Variants in RAB10 observed in about 807,000 individuals in gnomAD.
The protein encoded by RAB10 is ras-related protein Rab-10.
A neutral mutation model predicts 25.7 loss-of-function variants in RAB10; 5 were observed. The ratio of observed to expected loss-of-function variants is 0.19; its 90% CI spans 0.10 to 0.41. RAB10 has a LOEUF of 0.41. RAB10 is among the 10% of genes least tolerant of loss of function. The pLI is 1.00. For missense variants in RAB10, 103 were observed against 245.8 expected, an observed-to-expected ratio of 0.42 and a Z score of 3.89; for synonymous variants, 89 against 86.4, an observed-to-expected ratio of 1.03 and a Z score of -0.16.
intron 1 of RAB10, among the ~76,000 whole-genome samples, chr2:26,038,013 A>G (rs780286414): frequency 6.6e-6 from 1 of 151,738 alleles, no homozygotes; most frequent in African/African-American, 2.4e-5. Flanking sequence ...CAGCCTCCCA[A>G]GTAGCTGGGA....
chr2:26,115,605 C>A (rs1667666885), intron 3 of RAB10, among the ~76,000 whole-genome samples: 1 of 151,986 alleles, frequency 6.6e-6, no homozygotes, highest in South Asian at 2.1e-4. Flanking sequence ...AGAGTGGTTG[C>A]TATGAGTACA....
chr2:26,033,783 G>T (rs527345451), upstream of RAB10, among the ~76,000 whole-genome samples: 93 of 151,972 alleles, frequency 6.1e-4, no homozygotes, highest in African/African-American at 2.0e-3. Context: ...CGGGGAGCGG[G>T]AGGCGGGAGG....
intron 1 of RAB10, among the ~76,000 whole-genome samples, chr2:26,075,007 C>T (rs563586834): frequency 1.3e-5 from 2 of 152,168 alleles, no homozygotes; most frequent in South Asian, 2.1e-4. Context: ...TGGGAAAGGT[C>T]GAAGTTCTTC....
At chr2:26,034,850 C>T (rs1013038569) in intron 1 of RAB10, 115 bp downstream of exon 1, 15 of 1,414,428 alleles carry the variant, frequency 1.1e-5, no homozygotes, top group Admixed American at 9.3e-5. Context: ...CGATTCCAAA[C>T]GACACATCCA....
chr2:26,131,258 C>T (rs1274311840), intron 5 of RAB10, among the ~76,000 whole-genome samples: 1 of 152,064 alleles, frequency 6.6e-6, no homozygotes, highest in East Asian at 1.9e-4. Context: ...CTAATACTAA[C>T]CATAGCTTGT....
In RAB10 at chr2:26,083,011, G is replaced by T. The variant is rs560402904; in HGVS notation, c.128-15651G>T. ...AAATCATACCATCATAGTAGGCATA[G>T]ACAAAGCATTTGATGAAATACACCT... On this transcript the variant is annotated intron_variant, in intron 1 of 5. Coordinates refer to ENST00000264710, the MANE Select transcript of RAB10 (RefSeq NM_016131.5). 1.0e-3 allele frequency among the ~76,000 whole-genome samples: 154 copies of T among 152,272 alleles called. 1 individual carries two copies. The highest frequency in any genetic ancestry group is 2.1e-3 in the Admixed American group (32 of 15,296).
At position 26,034,712 on chromosome 2, in the gene RAB10, A is replaced by G. The variant is rs1263822739; in HGVS notation, c.104A>G (p.Asn35Ser). Reference protein sequence around the residue: ...VLFRFSDDAFNTTFISTIGID... With the variant: ...VLFRFSDDAFSTTFISTIGID... ...TTTCGTTTTTCGGATGATGCCTTCAATACTACCTTTATTTCCACCATAGGT... is the reference window on the plus strand; with the variant it reads ...TTTCGTTTTTCGGATGATGCCTTCAGTACTACCTTTATTTCCACCATAGGT... The change falls in exon 1 of 6, where the codon AAT (asparagine) becomes AGT (serine). Residue 35 changes from asparagine (N) to serine (S), a missense_variant. Physicochemically the swap from Asn to Ser is conservative, Grantham distance 46 (BLOSUM62 1). Transcript: ENST00000264710. 3 of 1,614,074 alleles carry G rather than the reference A, an allele frequency of 1.9e-6. No homozygotes were observed. Among genetic ancestry groups the G allele is most frequent in the Non-Finnish European group, 8.5e-7 (1 of 1,180,034 alleles).
intron 3 of RAB10, among the ~76,000 whole-genome samples, chr2:26,113,407 C>G (rs1398552569): frequency 6.6e-6 from 1 of 152,002 alleles, no homozygotes; most frequent in Non-Finnish European, 1.5e-5. Context: ...AACCTCGTCT[C>G]TACTAAAAAT....
intron 1 of RAB10, among the ~76,000 whole-genome samples, chr2:26,070,338 AAGT>A: frequency 6.6e-6 from 1 of 152,250 alleles, no homozygotes; most frequent in Non-Finnish European, 1.5e-5. Context: ...GATTTCAGTG[AAGT>A]AGTATTAAAT....
chr2:26,082,083 A>T (rs569866476), intron 1 of RAB10, among the ~76,000 whole-genome samples: 25 of 152,310 alleles, frequency 1.6e-4, no homozygotes, highest in African/African-American at 6.0e-4. Context: ...TTAAAAGATA[A>T]TTGTTTACAG....
chr2:26,115,656 TG>T (rs929525547), intron 3 of RAB10, among the ~76,000 whole-genome samples: 1 of 152,140 alleles, frequency 6.6e-6, no homozygotes, highest in African/African-American at 2.4e-5. Flanking sequence ...AAGTTAGTAG[TG>T]GTGATAGTTG....
intron 1 of RAB10, among the ~76,000 whole-genome samples, chr2:26,053,958 T>C (rs1666191162): frequency 1.3e-5 from 2 of 151,016 alleles, no homozygotes; most frequent in Admixed American, 6.6e-5. Flanking sequence ...TGCCTCAGCC[T>C]CCCAAAGTGC....
intron 1 of RAB10, among the ~76,000 whole-genome samples, chr2:26,044,186 A>C (rs1232238617): frequency 6.6e-6 from 1 of 152,214 alleles, no homozygotes; most frequent in African/African-American, 2.4e-5. Flanking sequence ...TGTTTTAGAT[A>C]TATTTTCCCC....
intron 1 of RAB10, among the ~76,000 whole-genome samples, chr2:26,046,423 C>T (rs779050167): frequency 6.6e-6 from 1 of 151,860 alleles, no homozygotes; most frequent in Non-Finnish European, 1.5e-5. Context: ...ATGAGAAAAA[C>T]GTTTTTATTT....
intron 1 of RAB10, among the ~76,000 whole-genome samples, chr2:26,090,781 AAAGTT>A (rs1467153192): frequency 1.3e-5 from 2 of 152,034 alleles, no homozygotes; most frequent in Non-Finnish European, 2.9e-5. Context: ...TAAAATTACA[AAAGTT>A]AACTGGGTGT....
At chr2:26,118,814 G>A (rs1667743325) in intron 3 of RAB10, among the ~76,000 whole-genome samples, 1 of 152,154 alleles carries the variant, frequency 6.6e-6, no homozygotes, top group South Asian at 2.1e-4. Flanking sequence ...CATATTTTAA[G>A]CTAGTTACAG....
chr2:26,077,301 G>A (rs1666759650), intron 1 of RAB10, among the ~76,000 whole-genome samples: 1 of 152,102 alleles, frequency 6.6e-6, no homozygotes, highest in African/African-American at 2.4e-5. Context: ...TCTTATTCTG[G>A]TGGAGTGTGA....
intron 1 of RAB10, among the ~76,000 whole-genome samples, chr2:26,051,414 A>G (rs1157063363): frequency 8.9e-6 from 1 of 111,906 alleles, no homozygotes; most frequent in East Asian, 3.1e-4. Context: ...GCCTTCCTCA[A>G]ATGATTGTTG....
At position 26,034,095 on chromosome 2, in the gene RAB10, C is replaced by T. The variant is rs1665700292; in HGVS notation, c.-514C>T. On this transcript the variant is annotated 5_prime_UTR_variant, in exon 1 of 6. Transcript: ENST00000264710. ...ACGCCCTTGCGTGCGTCTCAGGCAG[C>T]GCGCACGCCGGCGTGAGAGGGCACG... The T allele has an allele frequency of 2.5e-6, 1 of 404,070 alleles. No individual in the cohort carries two copies. The highest frequency in any genetic ancestry group is 4.4e-6 in the Non-Finnish European group (1 of 228,642). 25.0% of individuals were successfully genotyped at this position (404,070 alleles called of 1,614,324 possible). A position where few individuals can be genotyped will look rare whatever the true frequency, so the allele number is the denominator to read the frequency against.
Sources: gnomAD v4.1 joint callset for allele counts (sites outside exome capture counted in the v4.1 genomes callset) on GRCh38, gnomAD v4.1.1 for gene constraint, MANE v1.5 for transcripts, NCBI Gene and HGNC (gene_info 2026-07-23, HGNC 2026-07-21) for gene names.